The following NIM1K variants were observed in gnomAD, a reference collection of about 807,000 sequenced individuals.
NIM1K encodes the protein serine/threonine-protein kinase NIM1.
NIM1K carries 35 observed loss-of-function variants against 37.1 expected under a neutral mutation model. That is an observed-to-expected ratio of 0.94 (90% CI 0.72 to 1.25). The LOEUF (loss-of-function observed/expected upper bound fraction) is 1.25. Among genes scored for constraint, NIM1K ranks in the 50% most tolerant of loss-of-function variants. The pLI is 0.00. For missense variants in NIM1K, 564 were observed against 548.0 expected (o/e 1.03, Z -0.29); for synonymous variants, 234 against 206.6 (o/e 1.13, Z -1.14).
intron 2 of NIM1K, among the ~76,000 whole-genome samples, chr5:43,261,364 A>C (rs1303034050): frequency 6.6e-6 from 1 of 152,168 alleles, no homozygotes; most frequent in Non-Finnish European, 1.5e-5. Context: ...GCCAGTGATG[A>C]TGAGCATTTT....
chr5:43,212,053 G>T (rs1351864802), intron 1 of NIM1K, among the ~76,000 whole-genome samples: 2 of 152,060 alleles, frequency 1.3e-5, no homozygotes, highest in Non-Finnish European at 2.9e-5. Flanking sequence ...TATATATATT[G>T]AATATAAAAG....
intron 1 of NIM1K, among the ~76,000 whole-genome samples, chr5:43,208,140 T>G (rs571665573): frequency 9.8e-5 from 15 of 152,298 alleles, no homozygotes; most frequent in African/African-American, 3.1e-4. Flanking sequence ...ATCTTCAGTT[T>G]GAATGTTTGG....
At chr5:43,211,646 G>A (rs1450222728) in intron 1 of NIM1K, among the ~76,000 whole-genome samples, 1 of 152,176 alleles carries the variant, frequency 6.6e-6, no homozygotes, top group East Asian at 1.9e-4. Flanking sequence ...TATGGAGGGG[G>A]GTAAGTGGGA....
intron 2 of NIM1K, among the ~76,000 whole-genome samples, chr5:43,263,177 A>C (rs1251064018): frequency 6.6e-6 from 1 of 152,180 alleles, no homozygotes; most frequent in Non-Finnish European, 1.5e-5. Context: ...ATAGTTTCAG[A>C]AGGAATGGTA....
At chr5:43,263,117 G>A (rs1361121100) in intron 2 of NIM1K, among the ~76,000 whole-genome samples, 2 of 152,120 alleles carry the variant, frequency 1.3e-5, no homozygotes, top group African/African-American at 4.8e-5. Context: ...GGATGTTGCT[G>A]GCCTCATAAA....
intron 2 of NIM1K, among the ~76,000 whole-genome samples, chr5:43,252,200 A>G (rs1752876044): frequency 1.3e-5 from 2 of 152,128 alleles, no homozygotes; most frequent in African/African-American, 4.8e-5. Flanking sequence ...TGTCTGTTGT[A>G]TTACAAAATT....
intron 2 of NIM1K, among the ~76,000 whole-genome samples, chr5:43,272,768 A>G (rs1466574989): frequency 6.6e-6 from 1 of 152,158 alleles, no homozygotes; most frequent in African/African-American, 2.4e-5. Flanking sequence ...AAGATTTTGC[A>G]TAAAGTTTCA....
At chr5:43,248,760 G>A (rs1481544160) in intron 2 of NIM1K, among the ~76,000 whole-genome samples, 1 of 152,040 alleles carries the variant, frequency 6.6e-6, no homozygotes, top group African/African-American at 2.4e-5. Context: ...CAAGACCCAG[G>A]AAGAGCCACG....
intron 1 of NIM1K, among the ~76,000 whole-genome samples, chr5:43,223,229 C>G (rs1281900324): frequency 6.6e-6 from 1 of 151,878 alleles, no homozygotes; most frequent in Non-Finnish European, 1.5e-5. Context: ...AACCCTGAGG[C>G]TGGGGCCTCC....
chr5:43,212,925 T>C (rs1423482796), intron 1 of NIM1K, among the ~76,000 whole-genome samples: 2 of 152,216 alleles, frequency 1.3e-5, no homozygotes, highest in Non-Finnish European at 2.9e-5. Context: ...TTCTCAATTA[T>C]AGCTTCAGCT....
At chr5:43,273,015 T>C in intron 2 of NIM1K, among the ~76,000 whole-genome samples, 1 of 152,132 alleles carries the variant, frequency 6.6e-6, no homozygotes, top group East Asian at 1.9e-4. Flanking sequence ...GTGGGACCTG[T>C]GTCAGACTTC....
At chr5:43,270,604 G>T (rs995386533) in intron 2 of NIM1K, among the ~76,000 whole-genome samples, 4 of 152,216 alleles carry the variant, frequency 2.6e-5, no homozygotes, top group African/African-American at 9.7e-5. Context: ...AGTGTATGAG[G>T]TTTATTGGAC....
At chr5:43,269,389 C>A (rs1247243598) in intron 2 of NIM1K, among the ~76,000 whole-genome samples, 1 of 151,666 alleles carries the variant, frequency 6.6e-6, no homozygotes, top group Middle Eastern at 3.2e-3. Context: ...CTTTTCCCAC[C>A]CCTTTACCTT....
chr5:43,221,829 G>A (rs1458152434), intron 1 of NIM1K, among the ~76,000 whole-genome samples: 1 of 152,204 alleles, frequency 6.6e-6, no homozygotes. Flanking sequence ...GAAACCATTA[G>A]GCTGAACTTA....
Position 43,280,598 on chromosome 5 carries a change from G to C in NIM1K, c.1180G>C (p.Val394Leu). 6.2e-7 allele frequency: 1 copy of C among 1,614,092 alleles called. No individual in the cohort carries two copies. Among genetic ancestry groups the C allele is most frequent in the Non-Finnish European group, 8.5e-7 (1 of 1,180,020 alleles). ...TGVYRIILHR[V>L]QRKKALESVP... is the part of the protein sequence containing the mutation. ...GGTCTATAGAATTATTTTACATAGA[G>C]TCCAAAGGAAGAAGGCTTTGGAAAG... The change falls in exon 4 of 4, where the codon GTC becomes CTC. Residue 394 changes from valine (V) to leucine (L), a missense_variant. Val to Leu is a conservative substitution (Grantham distance 32). Coordinates refer to ENST00000326035, the MANE Select transcript of NIM1K (RefSeq NM_153361.4).
intron 1 of NIM1K, among the ~76,000 whole-genome samples, chr5:43,204,089 T>TTTTTTG (rs1392041440): frequency 7.4e-6 from 1 of 134,462 alleles, no homozygotes; most frequent in African/African-American, 2.7e-5. Flanking sequence ...TGGTTTTTTT[T>TTTTTTG]TTTTTTTTTT....
At chr5:43,232,326 T>C (rs1752551542) in intron 1 of NIM1K, 11 of 1,274,456 alleles carry the variant, frequency 8.6e-6, no homozygotes, top group East Asian at 2.4e-5. Context: ...AGCTGTTTCA[T>C]GGTAGGCTTT....
intron 1 of NIM1K, among the ~76,000 whole-genome samples, chr5:43,214,865 G>C (rs996626772): frequency 6.6e-6 from 1 of 151,372 alleles, no homozygotes; most frequent in Admixed American, 6.6e-5. Context: ...CCATTTTGTG[G>C]ACTTCATGGT....
chr5:43,267,732 T>G (rs1490038792), intron 2 of NIM1K, among the ~76,000 whole-genome samples: 2 of 152,242 alleles, frequency 1.3e-5, no homozygotes, highest in African/African-American at 2.4e-5. Context: ...GAGCAGATTT[T>G]TTAATTTCCA....
Sources: gnomAD v4.1 joint callset for allele counts (sites outside exome capture counted in the v4.1 genomes callset) on GRCh38, gnomAD v4.1.1 for gene constraint, MANE v1.5 for transcripts, NCBI Gene and HGNC (gene_info 2026-07-23, HGNC 2026-07-21) for gene names.